Variants in MAP3K5 observed in about 807,000 individuals in gnomAD.
The protein encoded by MAP3K5 is mitogen-activated protein kinase kinase kinase 5, also known as ASK-1.
In MAP3K5, 56 loss-of-function variants were observed where a neutral mutation model predicts 158.7. That is an observed-to-expected ratio of 0.35 (90% CI 0.28 to 0.44). The LOEUF (loss-of-function observed/expected upper bound fraction) is 0.44, where lower values mean the gene tolerates loss of function less well. Among genes scored for constraint, MAP3K5 ranks in the 20% least tolerant of loss-of-function variants. The pLI is 1.00. For missense variants in MAP3K5, 1,294 were observed against 1,674.8 expected (o/e 0.77, Z 3.97); for synonymous variants, 579 against 601.7 (o/e 0.96, Z 0.55).
At chr6:136,716,853 T>C (rs1781551595) in intron 2 of MAP3K5, among the ~76,000 whole-genome samples, 1 of 152,146 alleles carries the variant, frequency 6.6e-6, no homozygotes, top group Non-Finnish European at 1.5e-5. Flanking sequence ...GTTGTTACAA[T>C]GCTAAAGAAA....
intron 24 of MAP3K5, among the ~76,000 whole-genome samples, chr6:136,581,411 A>G (rs1225759667): frequency 6.6e-6 from 1 of 152,126 alleles, no homozygotes; most frequent in Non-Finnish European, 1.5e-5. Context: ...TTTTGGGTTA[A>G]CTCTACTACC....
At chr6:136,761,288 T>TTA (rs1783742404) in intron 1 of MAP3K5, among the ~76,000 whole-genome samples, 1 of 118,432 alleles carries the variant, frequency 8.4e-6, no homozygotes, top group African/African-American at 3.3e-5. Context: ...ACCCTAACTT[T>TTA]AAAAAAAAAA....
chr6:136,726,613 A>G (rs1365299128), intron 1 of MAP3K5, among the ~76,000 whole-genome samples: 4 of 152,114 alleles, frequency 2.6e-5, no homozygotes, highest in African/African-American at 9.7e-5. Context: ...AGAATACGGA[A>G]TATCTCTCCA....
At chr6:136,716,978 T>A (rs922225011) in intron 2 of MAP3K5, among the ~76,000 whole-genome samples, 1 of 151,944 alleles carries the variant, frequency 6.6e-6, no homozygotes, top group African/African-American at 2.4e-5. Context: ...GCCAACATGG[T>A]GAAACCCCAT....
At position 136,690,434 on chromosome 6, in the gene MAP3K5, T is replaced by A. The variant is rs911179983; in HGVS notation, c.1253+3706A>T. ...AACTTTCCTCAATAATGCCAAAATC[T>A]TTTAAGTGCGTATAGAAATTTATGG... On this transcript the variant is annotated intron_variant, in intron 7 of 29. Coordinates refer to ENST00000359015, the MANE Select transcript of MAP3K5 (RefSeq NM_005923.4). 1.6e-3 allele frequency among the ~76,000 whole-genome samples: 239 copies of A among 152,284 alleles called. 1 individual carries two copies. The highest frequency in any genetic ancestry group is 5.4e-3 in the African/African-American group (226 of 41,548).
At chr6:136,722,500 AAT>A (rs1781784365) in intron 1 of MAP3K5, among the ~76,000 whole-genome samples, 2 of 152,230 alleles carry the variant, frequency 1.3e-5, no homozygotes, top group East Asian at 1.9e-4. Flanking sequence ...ATGGTAAATA[AAT>A]ATATGAGAAA....
At chr6:136,784,917 G>A (rs747806717) in intron 1 of MAP3K5, among the ~76,000 whole-genome samples, 1 of 151,676 alleles carries the variant, frequency 6.6e-6, no homozygotes, top group African/African-American at 2.4e-5. Context: ...TCTCTCTCTC[G>A]ATTTTCCTCA....
chr6:136,684,400 A>G (rs1000527473), intron 7 of MAP3K5, among the ~76,000 whole-genome samples: 1 of 152,114 alleles, frequency 6.6e-6, no homozygotes, highest in African/African-American at 2.4e-5. Context: ...AAATTTTCTA[A>G]ATAAGTCATA....
chr6:136,730,243 C>A (rs1324524658), intron 1 of MAP3K5, among the ~76,000 whole-genome samples: 5 of 151,526 alleles, frequency 3.3e-5, no homozygotes, highest in Admixed American at 6.6e-5. Flanking sequence ...AAGTGAGCCA[C>A]CCGCCTAGGC....
At chr6:136,753,051 C>T (rs1783292733) in intron 1 of MAP3K5, among the ~76,000 whole-genome samples, 1 of 152,150 alleles carries the variant, frequency 6.6e-6, no homozygotes, top group Admixed American at 6.5e-5. Flanking sequence ...CCTCTGTGCC[C>T]TCCAACACTT....
At chr6:136,665,994 C>A (rs1283871624) in intron 8 of MAP3K5, among the ~76,000 whole-genome samples, 1 of 152,158 alleles carries the variant, frequency 6.6e-6, no homozygotes, top group African/African-American at 2.4e-5. Flanking sequence ...AAGTCTGACT[C>A]TCACCCATAA....
intron 1 of MAP3K5, among the ~76,000 whole-genome samples, chr6:136,756,060 A>C (rs1783464531): frequency 1.3e-5 from 2 of 151,992 alleles, no homozygotes; most frequent in African/African-American, 4.8e-5. Flanking sequence ...TCACTGTCAC[A>C]CTTTGGGAGG....
At chr6:136,642,456 T>G (rs1043549628) in intron 12 of MAP3K5, 64 bp downstream of exon 12, 1 of 1,092,494 alleles carries the variant, frequency 9.2e-7, no homozygotes, top group South Asian at 1.3e-5. Flanking sequence ...AGAAGTTCTA[T>G]CCAGCCCATG....
chr6:136,677,373 G>A (rs1437737120), intron 7 of MAP3K5, among the ~76,000 whole-genome samples: 4 of 152,092 alleles, frequency 2.6e-5, no homozygotes, highest in Non-Finnish European at 4.4e-5. Flanking sequence ...TCTTGACCTC[G>A]TGATCTGCCT....
chr6:136,707,271 A>G lies in MAP3K5; in HGVS notation c.589-2138T>C, dbSNP rs1781117379. On this transcript the variant is annotated intron_variant, in intron 2 of 29. Coordinates refer to ENST00000359015, the MANE Select transcript of MAP3K5 (RefSeq NM_005923.4). ...GGATGGAAATGTGTGTATACGCACA[A>G]TTGCTAAAAGTAAAAAGAATGACAG... Among the ~76,000 whole-genome samples the G allele has an allele frequency of 6.6e-5, 10 of 152,376 alleles. No individual in the cohort carries two copies. The South Asian group carries it at 1.9e-3, about 28-fold the overall frequency.
At chr6:136,599,406 C>T (rs111542233) in intron 21 of MAP3K5, among the ~76,000 whole-genome samples, 51 of 152,224 alleles carry the variant, frequency 3.4e-4, no homozygotes, top group African/African-American at 1.2e-3. Flanking sequence ...AGCAGGTTTA[C>T]ACCGTCCATC....
chr6:136,738,231 C>T (rs980018028), intron 1 of MAP3K5, among the ~76,000 whole-genome samples: 3 of 152,088 alleles, frequency 2.0e-5, no homozygotes, highest in Non-Finnish European at 2.9e-5. Flanking sequence ...CTACCATGCC[C>T]GACTAAATGC....
At chr6:136,624,691 C>T (rs1388590740) in intron 14 of MAP3K5, among the ~76,000 whole-genome samples, 2 of 151,796 alleles carry the variant, frequency 1.3e-5, no homozygotes, top group Non-Finnish European at 2.9e-5. Flanking sequence ...AAGGAAATGA[C>T]CATGGGAATT....
Position 136,697,334 on chromosome 6 carries a change from T to C in MAP3K5, c.860A>G (p.Tyr287Cys). The C allele has an allele frequency of 6.2e-7, 1 of 1,613,674 alleles. No individual in the cohort carries two copies. Among genetic ancestry groups the C allele is most frequent in the South Asian group, 1.1e-5 (1 of 91,014 alleles). ...LNDIRKARNL[Y>C]TGKELAAELA... is the part of the protein sequence containing the mutation. ...CTCAGCTGCCAATTCTTTACCAGTG[T>C]ATAAATTACGAGCTTTCCTGATGTC... is the stretch of plus-strand genomic sequence containing the variant. The change falls in exon 5 of 30, where the codon TAC (tyrosine) becomes TGC (cysteine). Residue 287 changes from tyrosine (Y) to cysteine (C), a missense_variant. This residue lies in a region of MAP3K5 where 690 missense variants were observed against 870.5 expected (regional missense o/e 0.79). Transcript: ENST00000359015.
Sources: allele counts gnomAD v4.1 joint callset (sites outside exome capture counted in the v4.1 genomes callset), GRCh38; gene constraint gnomAD v4.1.1; regional missense constraint gnomAD v4.1.1; transcripts MANE v1.5; gene names NCBI Gene and HGNC (gene_info 2026-07-23, HGNC 2026-07-21).